Variants in PAK5 observed in about 807,000 individuals in gnomAD.
The protein encoded by PAK5 is p21 (RAC1) activated kinase 5, also known as serine/threonine-protein kinase PAK 5.
PAK5 carries 16 observed loss-of-function variants against 65.9 expected under a neutral mutation model. The observed-to-expected ratio is 0.24, with a 90% CI of 0.16 to 0.37. The LOEUF is 0.37. PAK5 is among the 10% of genes least tolerant of loss of function. PAK5 has a pLI of 1.00. For synonymous variants in PAK5, 371 were observed against 354.9 expected (o/e 1.05, Z -0.51); for missense variants, 785 against 903.9 (o/e 0.87, Z 1.69).
intron 2 of PAK5, among the ~76,000 whole-genome samples, chr20:9,679,976 C>T (rs1306051763): frequency 3.3e-5 from 5 of 152,154 alleles, no homozygotes; most frequent in Non-Finnish European, 7.4e-5. Context: ...TAGGGATATT[C>T]CCTGTGGCAT....
chr20:9,699,739 G>T (rs747237519), intron 2 of PAK5, among the ~76,000 whole-genome samples: 2 of 151,790 alleles, frequency 1.3e-5, no homozygotes, highest in Non-Finnish European at 2.9e-5. Context: ...GAACCTGGAG[G>T]ACTTGGAAAA....
At chr20:9,564,702 T>C (rs1172272926) in intron 5 of PAK5, among the ~76,000 whole-genome samples, 1 of 152,092 alleles carries the variant, frequency 6.6e-6, no homozygotes, top group Non-Finnish European at 1.5e-5. Context: ...TAATAAATTA[T>C]CAGATATGAA....
intron 1 of PAK5, among the ~76,000 whole-genome samples, chr20:9,823,684 T>C (rs919666021): frequency 1.8e-4 from 28 of 152,230 alleles, no homozygotes; most frequent in African/African-American, 6.8e-4. Context: ...CTTGGGTATG[T>C]CTTTATTAGC....
intron 1 of PAK5, among the ~76,000 whole-genome samples, chr20:9,806,014 G>A (rs2049227238): frequency 6.6e-6 from 1 of 152,146 alleles, no homozygotes; most frequent in African/African-American, 2.4e-5. Flanking sequence ...GCCTAGGCTG[G>A]AGTGCAGTGG....
At chr20:9,833,858 A>G (rs1343390085) in intron 1 of PAK5, among the ~76,000 whole-genome samples, 1 of 152,040 alleles carries the variant, frequency 6.6e-6, no homozygotes, top group East Asian at 1.9e-4. Context: ...ACTTTTATAT[A>G]TTTCTTATTA....
At position 9,739,587 on chromosome 20, in the gene PAK5, CT is replaced by C. The variant is rs2048428957; in HGVS notation, c.-161-28153del. On this transcript the variant is annotated intron_variant, in intron 1 of 9. Transcript: ENST00000353224. Reference sequence around the variant, plus strand: ...TACTTTCTTTTGATTTTTAAATAGTCTTTTCCAAAAGCTAAATGACATCAAT... The same window carrying C: ...TACTTTCTTTTGATTTTTAAATAGTCTTTCCAAAAGCTAAATGACATCAAT... 2.0e-5 allele frequency among the ~76,000 whole-genome samples: 3 copies of C among 152,180 alleles called. No individual in the cohort carries two copies. The East Asian group carries it at 5.8e-4, about 29-fold the overall frequency.
chr20:9,699,302 T>A (rs1272872795), intron 2 of PAK5, among the ~76,000 whole-genome samples: 1 of 152,174 alleles, frequency 6.6e-6, no homozygotes, highest in African/African-American at 2.4e-5. Flanking sequence ...TGTCTCACTT[T>A]CTGCCCTAGA....
At chr20:9,696,806 G>A (rs919691594) in intron 2 of PAK5, among the ~76,000 whole-genome samples, 4 of 151,960 alleles carry the variant, frequency 2.6e-5, no homozygotes, top group African/African-American at 4.8e-5. Context: ...CATTTTTGTG[G>A]ATTAGAATAT....
At chr20:9,666,512 C>T (rs2047421734) in intron 2 of PAK5, among the ~76,000 whole-genome samples, 1 of 151,138 alleles carries the variant, frequency 6.6e-6, no homozygotes, top group African/African-American at 2.4e-5. Flanking sequence ...GAAATACTAC[C>T]GTGGAGACAA....
intron 1 of PAK5, among the ~76,000 whole-genome samples, chr20:9,736,788 G>T (rs1489427805): frequency 6.6e-6 from 1 of 152,114 alleles, no homozygotes; most frequent in African/African-American, 2.4e-5. Flanking sequence ...TCTGAAGTCT[G>T]GTCTCCATGT....
intron 1 of PAK5, among the ~76,000 whole-genome samples, chr20:9,807,698 C>A (rs565074431): frequency 4.1e-4 from 62 of 150,782 alleles, no homozygotes; most frequent in Middle Eastern, 6.9e-3. Context: ...ATTTGGGGGC[C>A]TTGTGGCTAG....
At chr20:9,628,255 T>A (rs1273708165) in intron 3 of PAK5, among the ~76,000 whole-genome samples, 1 of 152,216 alleles carries the variant, frequency 6.6e-6, no homozygotes, top group Non-Finnish European at 1.5e-5. Context: ...AAACAGAAGC[T>A]CACAGAGGTT....
chr20:9,817,862 G>T (rs1424870888), intron 1 of PAK5, among the ~76,000 whole-genome samples: 1 of 152,134 alleles, frequency 6.6e-6, no homozygotes, highest in Non-Finnish European at 1.5e-5. Flanking sequence ...AGTTAATGAG[G>T]TCACACCTGG....
In PAK5 at chr20:9,802,539, TAA is replaced by T. The variant is rs2049181494; in HGVS notation, c.-162+36221_-162+36222del. 6.6e-5 allele frequency among the ~76,000 whole-genome samples: 10 copies of T among 152,194 alleles called. 1 individual carries two copies. The South Asian group carries it at 2.1e-3, about 32-fold the overall frequency. The stretch of plus-strand genomic sequence containing the variant: ...GGCATTAACTTCTTACATAGAGAGG[TAA>T]AGAGACTTGCTGCATACATTTTTGT... On this transcript the variant is annotated intron_variant, in intron 1 of 9. Coordinates refer to ENST00000353224, the MANE Select transcript of PAK5 (RefSeq NM_177990.4).
chr20:9,623,658 T>C (rs2046802558), intron 3 of PAK5, among the ~76,000 whole-genome samples: 1 of 152,016 alleles, frequency 6.6e-6, no homozygotes, highest in Non-Finnish European at 1.5e-5. Context: ...AGAAATCAGG[T>C]TTGAAAGTAT....
At chr20:9,812,849 T>C (rs2179472) in intron 1 of PAK5, among the ~76,000 whole-genome samples, 100,989 of 151,480 alleles carry the variant, frequency 0.67, 33,897 homozygotes, top group East Asian at 0.77. Flanking sequence ...TAATAAATGC[T>C]TGATGTGACG....
At chr20:9,709,736 G>T (rs1032673894) in intron 2 of PAK5, among the ~76,000 whole-genome samples, 3 of 152,190 alleles carry the variant, frequency 2.0e-5, no homozygotes, top group African/African-American at 7.2e-5. Context: ...AAAGCAAGCT[G>T]CACTTTGCTG....
At chr20:9,737,200 A>C (rs1042978531) in intron 1 of PAK5, among the ~76,000 whole-genome samples, 2 of 152,156 alleles carry the variant, frequency 1.3e-5, no homozygotes, top group Non-Finnish European at 1.5e-5. Context: ...TATACACCCC[A>C]TTAAAAGACA....
At chr20:9,731,664 C>T (rs2048336147) in intron 1 of PAK5, among the ~76,000 whole-genome samples, 1 of 152,170 alleles carries the variant, frequency 6.6e-6, no homozygotes, top group Admixed American at 6.6e-5. Context: ...CAAAAGCTGA[C>T]ACCAACTAGT....
Sources: allele counts gnomAD v4.1 joint callset (sites outside exome capture counted in the v4.1 genomes callset), GRCh38; gene constraint gnomAD v4.1.1; transcripts MANE v1.5; gene names NCBI Gene and HGNC (gene_info 2026-07-23, HGNC 2026-07-21).